GRIK2: variants seen among roughly 807,000 people sequenced by gnomAD.
GRIK2 encodes glutamate receptor ionotropic, kainate 2.
A neutral mutation model predicts 100.3 loss-of-function variants in GRIK2; 32 were observed. The ratio of observed to expected loss-of-function variants is 0.32; its 90% confidence interval spans 0.24 to 0.43. The LOEUF is 0.43. Among genes scored for constraint, GRIK2 ranks in the 20% least tolerant of loss-of-function variants. The probability of loss-of-function intolerance (pLI) is 1.00; values close to 1 mark genes in which losing one functional copy is unlikely to be tolerated. For missense variants in GRIK2, 843 were observed against 1,114.9 expected (o/e 0.76, Z 3.47); for synonymous variants, 417 against 389.4 (o/e 1.07, Z -0.83).
At chr6:101,468,208 A>G (rs1771760666) in intron 2 of GRIK2, among the ~76,000 whole-genome samples, 1 of 152,182 alleles carries the variant, frequency 6.6e-6, no homozygotes, top group African/African-American at 2.4e-5. Flanking sequence ...CACAGAGGGG[A>G]TCAGGTCCCA....
chr6:101,479,548 A>C (rs888164059), intron 2 of GRIK2, among the ~76,000 whole-genome samples: 1 of 152,078 alleles, frequency 6.6e-6, no homozygotes, highest in Admixed American at 6.5e-5. Context: ...GGTATTTTTG[A>C]GTTTTCTAAA....
At chr6:101,550,162 C>T (rs1467744210) in intron 2 of GRIK2, among the ~76,000 whole-genome samples, 2 of 152,184 alleles carry the variant, frequency 1.3e-5, no homozygotes, top group African/African-American at 4.8e-5. Flanking sequence ...GAATAGGAGA[C>T]CTTAATTTTT....
intron 15 of GRIK2, among the ~76,000 whole-genome samples, chr6:102,038,555 C>T (rs1438848533): frequency 1.3e-5 from 2 of 151,258 alleles, no homozygotes; most frequent in African/African-American, 2.4e-5. Flanking sequence ...TAGCATTTGC[C>T]TTTTATGTTA....
intron 2 of GRIK2, among the ~76,000 whole-genome samples, chr6:101,543,078 T>C (rs192080846): frequency 6.6e-6 from 1 of 152,238 alleles, no homozygotes; most frequent in African/African-American, 2.4e-5. Context: ...ACACATAAGC[T>C]TAATGCCATT....
intron 2 of GRIK2, among the ~76,000 whole-genome samples, chr6:101,577,795 A>G (rs180830178): frequency 5.3e-4 from 81 of 152,270 alleles, no homozygotes; most frequent in African/African-American, 1.7e-3. Context: ...AGTTAACACA[A>G]TGTATATTCA....
chr6:101,996,046 T>G (rs533252980), intron 14 of GRIK2, among the ~76,000 whole-genome samples: 7 of 152,100 alleles, frequency 4.6e-5, no homozygotes, highest in African/African-American at 1.7e-4. Context: ...CACCGTGAGC[T>G]TGCTGAGTAA....
intron 2 of GRIK2, among the ~76,000 whole-genome samples, chr6:101,414,071 C>CTATAGACA (rs1436463779): frequency 3.9e-5 from 6 of 152,132 alleles, no homozygotes; most frequent in Admixed American, 2.6e-4. Context: ...ATATCATATT[C>CTATAGACA]TATAGACATA....
At chr6:101,621,737 T>TA (rs1318854336) in intron 2 of GRIK2, among the ~76,000 whole-genome samples, 1 of 152,050 alleles carries the variant, frequency 6.6e-6, no homozygotes, top group Non-Finnish European at 1.5e-5. Context: ...TGGCTGTGGC[T>TA]AAAAGAGAAT....
intron 2 of GRIK2, among the ~76,000 whole-genome samples, chr6:101,597,905 C>T (rs571585328): frequency 6.6e-6 from 1 of 151,866 alleles, no homozygotes; most frequent in East Asian, 1.9e-4. Flanking sequence ...TGAGTCACCT[C>T]TGGCTATAGT....
intron 7 of GRIK2, among the ~76,000 whole-genome samples, chr6:101,743,938 A>G (rs1776211426): frequency 6.6e-6 from 1 of 151,860 alleles, no homozygotes; most frequent in African/African-American, 2.4e-5. Context: ...ACACTGTAGC[A>G]ATATGTAGTC....
intron 4 of GRIK2, among the ~76,000 whole-genome samples, chr6:101,655,933 T>C (rs1782037646): frequency 1.3e-5 from 2 of 151,706 alleles, no homozygotes; most frequent in Non-Finnish European, 2.9e-5. Flanking sequence ...TGGACCCTTC[T>C]CTCATCTTAT....
intron 14 of GRIK2, among the ~76,000 whole-genome samples, chr6:101,933,250 C>G (rs962457765): frequency 6.6e-6 from 1 of 151,878 alleles, no homozygotes; most frequent in Non-Finnish European, 1.5e-5. Context: ...CAAGTTTTAT[C>G]CCCTCTACAT....
intron 2 of GRIK2, among the ~76,000 whole-genome samples, chr6:101,583,228 TGGAGGGATAATTA>T (rs1404746517): frequency 6.6e-6 from 1 of 152,014 alleles, no homozygotes; most frequent in East Asian, 1.9e-4. Flanking sequence ...AGTCGGCTGG[TGGAGGGATAATTA>T]GTCAAAAAAG....
At chr6:101,659,367 T>C (rs1161543564) in intron 4 of GRIK2, among the ~76,000 whole-genome samples, 1 of 152,210 alleles carries the variant, frequency 6.6e-6, no homozygotes, top group Non-Finnish European at 1.5e-5. Context: ...TCCATTGGTC[T>C]GTATATCTGT....
intron 2 of GRIK2, among the ~76,000 whole-genome samples, chr6:101,603,285 A>G (rs763472805): frequency 1.3e-5 from 2 of 151,866 alleles, no homozygotes; most frequent in Non-Finnish European, 1.5e-5. Flanking sequence ...TAATTTACCT[A>G]ACTTAATCAC....
intron 2 of GRIK2, among the ~76,000 whole-genome samples, chr6:101,502,882 G>T (rs1366470442): frequency 6.6e-6 from 1 of 152,140 alleles, no homozygotes; most frequent in African/African-American, 2.4e-5. Context: ...ATACTCTAGA[G>T]TATAAATAAA....
At chr6:101,814,480 T>C (rs1781515245) in intron 9 of GRIK2, among the ~76,000 whole-genome samples, 1 of 152,024 alleles carries the variant, frequency 6.6e-6, no homozygotes, top group African/African-American at 2.4e-5. Flanking sequence ...CCATCTACAG[T>C]TAAAAGACTT....
intron 7 of GRIK2, among the ~76,000 whole-genome samples, chr6:101,741,501 T>A (rs1264777942): frequency 6.6e-6 from 1 of 152,152 alleles, no homozygotes; most frequent in Non-Finnish European, 1.5e-5. Context: ...CAGTGATGAG[T>A]AACTCACTGA....
chr6:101,783,406 A>T (rs114318271), intron 7 of GRIK2, among the ~76,000 whole-genome samples: 6,978 of 152,188 alleles, frequency 0.046, 190 homozygotes, highest in Non-Finnish European at 0.057. Flanking sequence ...AGGCCTCTCC[A>T]GTCATGCGGA....
Sources: allele counts gnomAD v4.1 joint callset (sites outside exome capture counted in the v4.1 genomes callset), GRCh38; gene constraint gnomAD v4.1.1; transcripts MANE v1.5; gene names NCBI Gene and HGNC (gene_info 2026-07-23, HGNC 2026-07-21).